Variants in COL4A4 observed in about 807,000 individuals in gnomAD.
COL4A4 encodes collagen type IV alpha 4 chain, also known as collagen alpha-4(IV) chain.
Under a neutral mutation model 192.9 loss-of-function variants are expected in COL4A4, and 105 were observed. The ratio of observed to expected loss-of-function variants is 0.54; its 90% CI spans 0.46 to 0.64. COL4A4 has a LOEUF of 0.64. Among genes scored for constraint, COL4A4 ranks in the 30% least tolerant of loss-of-function variants. The pLI, the probability that COL4A4 is intolerant of heterozygous loss-of-function variation, is 0.00. For synonymous variants in COL4A4, 762 were observed against 769.9 expected (o/e 0.99, Z 0.17); for missense variants, 1,967 against 2,169.3 (o/e 0.91, Z 1.85).
At chr2:227,116,800 A>G (rs1286930721) in intron 7 of COL4A4, among the ~76,000 whole-genome samples, 2 of 152,146 alleles carry the variant, frequency 1.3e-5, no homozygotes, top group Admixed American at 1.3e-4. Flanking sequence ...CATTAAAGGA[A>G]CCCTGAGAGA....
Position 227,132,180 on chromosome 2 carries a change from C to T in COL4A4, c.192+7981G>A, listed in dbSNP as rs375033394. 5.3e-5 allele frequency among the ~76,000 whole-genome samples: 8 copies of T among 152,260 alleles called. No homozygotes were observed. In the East Asian group the frequency reaches 7.7e-4, roughly 15 times the overall value. On this transcript the variant is annotated intron_variant, in intron 4 of 47. Transcript: ENST00000396625. ...CGATATGCTCCCATGCAAAGCAAGC[C>T]AGGGCACCAAATTGTCCACCTGGGG...
chr2:227,004,969 C>T lies in COL4A4; in HGVS notation c.*2356G>A, dbSNP rs1961774370. ...CACAGAGAAAGGGTAATTGAAGGCA[C>T]ATTGATATATAACCAGGTGAAGAAA... On this transcript the variant is annotated 3_prime_UTR_variant, in exon 48 of 48. Transcript: ENST00000396625. 6.6e-6 allele frequency: 1 copy of T among 152,162 alleles called. No individual in the cohort carries two copies. The highest frequency in any genetic ancestry group is 1.5e-5 in the Non-Finnish European group (1 of 68,032). The allele number at this position is 152,162 out of a possible 1,614,324, so 9.4% of individuals were successfully genotyped here. A position where few individuals can be genotyped will look rare whatever the true frequency, so the allele number is the denominator to read the frequency against.
At chr2:227,125,842 C>G (rs1182138531) in intron 4 of COL4A4, among the ~76,000 whole-genome samples, 1 of 152,128 alleles carries the variant, frequency 6.6e-6, no homozygotes, top group Non-Finnish European at 1.5e-5. Context: ...ACTATCATAC[C>G]CTCTTCACTT....
At chr2:227,013,683 T>C (rs1002760782) in intron 44 of COL4A4, among the ~76,000 whole-genome samples, 2 of 152,222 alleles carry the variant, frequency 1.3e-5, no homozygotes, top group African/African-American at 4.8e-5. Context: ...TTTAAGCCAC[T>C]GTGTCAGTGA....
At chr2:227,046,095 A>G (rs924069502) in intron 35 of COL4A4, among the ~76,000 whole-genome samples, 10 of 81,056 alleles carry the variant, frequency 1.2e-4, no homozygotes, top group Non-Finnish European at 1.7e-4. Context: ...ATATATGTAC[A>G]TATATATATA....
At chr2:227,078,850 G>A (rs1054819586) in intron 24 of COL4A4, among the ~76,000 whole-genome samples, 4 of 152,166 alleles carry the variant, frequency 2.6e-5, no homozygotes, top group Non-Finnish European at 5.9e-5. Context: ...TTGGTTAACT[G>A]TCTGGTTCTG....
intron 44 of COL4A4, among the ~76,000 whole-genome samples, chr2:227,013,502 C>T (rs1416438614): frequency 2.6e-5 from 4 of 152,126 alleles, no homozygotes; most frequent in South Asian, 2.1e-4. Context: ...GACACAGAAA[C>T]GGACCCCAGG....
rs761238651 is a variant in COL4A4 at position 227,056,075 on chromosome 2, A to G, written c.2586T>C (p.Pro862=). The part of the protein sequence containing the change: ...GGKGQPGDVG[P]PGPAGMKGLP... ...GGCCTTTCATTCCAGCTGGCCCGGG[A>G]GGCCCCACATCTCCCGGCTGTCCTT... The change falls in exon 30 of 48, where the codon CCT becomes CCC. Residue 862 remains proline (P), a synonymous_variant. Transcript: ENST00000396625. 48 of 1,613,838 alleles carry G rather than the reference A, an allele frequency of 3.0e-5. No homozygotes were observed. In the East Asian group the frequency reaches 4.7e-4, roughly 16 times the overall value.
chr2:227,106,047 G>C (rs200684152), intron 12 of COL4A4, among the ~76,000 whole-genome samples: 3 of 143,348 alleles, frequency 2.1e-5, no homozygotes, highest in African/African-American at 7.6e-5. Context: ...AGTTTAAATA[G>C]AAAAAAAAAA....
chr2:227,053,748 C>T (rs574083940), intron 31 of COL4A4, among the ~76,000 whole-genome samples: 12 of 151,784 alleles, frequency 7.9e-5, no homozygotes, highest in Admixed American at 1.3e-4. Flanking sequence ...AGGGTTTCGC[C>T]GTGTTACCAG....
At chr2:227,149,328 T>C (rs1438085111) in intron 1 of COL4A4, among the ~76,000 whole-genome samples, 1 of 152,220 alleles carries the variant, frequency 6.6e-6, no homozygotes, top group African/African-American at 2.4e-5. Context: ...TCCATAATTT[T>C]AAATTTGTTT....
intron 45 of COL4A4, 33 bp from the exon 46 acceptor site, chr2:227,010,534 G>A: frequency 6.7e-7 from 1 of 1,491,326 alleles, no homozygotes; most frequent in Non-Finnish European, 8.9e-7. Context: ...TTGAAGGCAG[G>A]TTAGGGGGTT....
In COL4A4 at chr2:227,114,614, A is replaced by G; in HGVS notation, c.558+14T>C. 2.5e-6 allele frequency: 4 copies of G among 1,611,502 alleles called. No homozygotes were observed. The highest frequency in any genetic ancestry group is 2.2e-5 in the East Asian group (1 of 44,856). ...AGAAAAAATTTTTTAACCCATCATG[A>G]TCATAATACTTACCTGAATACCTTT... On this transcript the variant is annotated intron_variant, in intron 8 of 47. Coordinates refer to ENST00000396625, the MANE Select transcript of COL4A4 (RefSeq NM_000092.5).
At chr2:226,983,436 C>G in the COL4A4 span, among the ~76,000 whole-genome samples, 1 of 152,150 alleles carries the variant, frequency 6.6e-6, no homozygotes. Flanking sequence ...GGCCACCTAG[C>G]CTAGGGGCCA....
rs2124853156 is a variant in COL4A4 at position 227,111,711 on chromosome 2, T to A, written c.561A>T (p.Gly187=). 1.2e-6 allele frequency: 2 copies of A among 1,614,002 alleles called. No individual in the cohort carries two copies. The highest frequency in any genetic ancestry group is 3.3e-5 in the Admixed American group (2 of 60,016). ...FILGAVKGIQ[G]DRGDPGLPGL... ...CAGGCAGTCCTGGGTCCCCTCTGTC[T>A]CCCTGCAAAAATAAGAATGCATTGC... The change falls in exon 9 of 48, where the codon GGA becomes GGT. Residue 187 remains glycine (G), a splice_region_variant and synonymous_variant. Coordinates refer to ENST00000396625, the MANE Select transcript of COL4A4 (RefSeq NM_000092.5).
Position 227,057,527 on chromosome 2 carries a change from A to T in COL4A4, c.2457T>A (p.Gly819=). 6.2e-7 allele frequency: 1 copy of T among 1,613,912 alleles called. No individual in the cohort carries two copies. Residue 819 remains glycine, a synonymous_variant, in exon 29 of 48, where the codon GGT becomes GGA. Coordinates refer to ENST00000396625, the MANE Select transcript of COL4A4 (RefSeq NM_000092.5). The part of the protein sequence containing the change: ...KGREGHAGFP[G]VPGPPGHSCE... ...AGGAATGGCCAGGTGGACCTGGGACACCTGGAAACCCAGCATGTCCCTCTC... is the reference window on the plus strand; with the variant it reads ...AGGAATGGCCAGGTGGACCTGGGACTCCTGGAAACCCAGCATGTCCCTCTC...
chr2:227,052,518 G>A (rs990944445), intron 31 of COL4A4, 106 bp from the exon 32 acceptor site: 33 of 743,660 alleles, frequency 4.4e-5, no homozygotes, highest in African/African-American at 3.6e-4. Flanking sequence ...CTTAACCTAC[G>A]AAGCTCTATT....
the COL4A4 span, among the ~76,000 whole-genome samples, chr2:226,981,569 T>C: frequency 1.3e-4 from 19 of 150,168 alleles, no homozygotes; most frequent in African/African-American, 1.7e-4. Context: ...TGCACACACA[T>C]ACACACACAC....
the COL4A4 span, among the ~76,000 whole-genome samples, chr2:226,975,161 T>C: frequency 0.023 from 3,529 of 152,290 alleles, 141 homozygotes; most frequent in African/African-American, 0.08. Flanking sequence ...AGATTTAATA[T>C]GGTGCCCCAG....
Sources: allele counts gnomAD v4.1 joint callset (sites outside exome capture counted in the v4.1 genomes callset), GRCh38; gene constraint gnomAD v4.1.1; transcripts MANE v1.5; gene names NCBI Gene and HGNC (gene_info 2026-07-23, HGNC 2026-07-21).